MAOA: variants seen among roughly 807,000 people sequenced by gnomAD.
MAOA encodes monoamine oxidase A.
MAOA carries 6 observed loss-of-function variants against 42.0 expected under a neutral mutation model. The ratio of observed to expected loss-of-function variants is 0.14; its 90% CI spans 0.08 to 0.28. The LOEUF is 0.28. Among genes scored for constraint, MAOA ranks in the 10% least tolerant of loss-of-function variants. The pLI, the probability that MAOA is intolerant of heterozygous loss-of-function variation, is 1.00. For missense variants in MAOA, 262 were observed against 422.3 expected, an observed-to-expected ratio of 0.62 and a Z score of 3.33; for synonymous variants, 140 against 154.0, an observed-to-expected ratio of 0.91 and a Z score of 0.67.
At chrX:43,704,550 T>C (rs1192224973) in intron 3 of MAOA, among the ~76,000 whole-genome samples, 1 of 111,575 alleles carries the variant, frequency 9.0e-6, no homozygotes, top group East Asian at 2.8e-4. Context: ...TGGTAAAAGA[T>C]TGAAAGCTTT....
intron 6 of MAOA, 81 bp from the exon 7 acceptor site, chrX:43,731,160 G>C: frequency 9.9e-7 from 1 of 1,006,445 alleles, no homozygotes; most frequent in Non-Finnish European, 1.4e-6. Flanking sequence ...ACTTTCTGGA[G>C]GTTTTCTAAT....
intron 9 of MAOA, among the ~76,000 whole-genome samples, chrX:43,733,118 T>A (rs898717017): frequency 8.9e-6 from 1 of 112,174 alleles, no homozygotes; most frequent in African/African-American, 3.2e-5. Context: ...ACAGGCAGAA[T>A]GTCCACAGCC....
At chrX:43,663,528 C>T (rs1361526096) in intron 1 of MAOA, among the ~76,000 whole-genome samples, 2 of 111,404 alleles carry the variant, frequency 1.8e-5, no homozygotes. Context: ...TACCAAATGC[C>T]ACAAAATTCT....
chrX:43,742,920 T>C (rs1276210288), intron 12 of MAOA, among the ~76,000 whole-genome samples: 1 of 110,478 alleles, frequency 9.1e-6, no homozygotes, highest in Non-Finnish European at 1.9e-5. Flanking sequence ...TTCTTCTTAA[T>C]TGAGTCAGAT....
chrX:43,683,680 G>A, intron 2 of MAOA, 73 bp downstream of exon 2: 1 of 882,891 alleles, frequency 1.1e-6, no homozygotes, highest in Non-Finnish European at 1.7e-6. Flanking sequence ...GGAAATCACA[G>A]GGCTAGAGGA....
chrX:43,683,422 A>G, intron 1 of MAOA, 91 bp from the exon 2 acceptor site: 1 of 648,759 alleles, frequency 1.5e-6, no homozygotes, highest in East Asian at 3.3e-5. Flanking sequence ...ATTGTATATG[A>G]TACCCTGCAT....
chrX:43,672,810 G>T (rs1393162129), intron 1 of MAOA, among the ~76,000 whole-genome samples: 2 of 111,409 alleles, frequency 1.8e-5, no homozygotes, highest in African/African-American at 6.5e-5. Flanking sequence ...GATCATGGTG[G>T]ATAAGCTTTT....
intron 3 of MAOA, among the ~76,000 whole-genome samples, chrX:43,700,662 T>C (rs1267841096): frequency 8.9e-6 from 1 of 112,158 alleles, no homozygotes; most frequent in East Asian, 2.8e-4. Context: ...TCTATTATTT[T>C]GTTAAAATAC....
chrX:43,679,434 C>T (rs1164625369), intron 1 of MAOA, among the ~76,000 whole-genome samples: 1 of 109,222 alleles, frequency 9.2e-6, no homozygotes, highest in Admixed American at 1.0e-4. Context: ...TTTCAGAAGA[C>T]TTTGTTGTGG....
At chrX:43,687,673 A>G (rs1216608510) in intron 2 of MAOA, among the ~76,000 whole-genome samples, 3 of 112,333 alleles carry the variant, frequency 2.7e-5, no homozygotes, top group Non-Finnish European at 5.6e-5. Flanking sequence ...AAATTTGTAG[A>G]TCTCCTGGAT....
chrX:43,706,257 A>G (rs2033658453), intron 3 of MAOA, among the ~76,000 whole-genome samples: 1 of 112,300 alleles, frequency 8.9e-6, no homozygotes, highest in African/African-American at 3.2e-5. Context: ...TTAAATAGCT[A>G]TTTGTCCTCA....
intron 3 of MAOA, among the ~76,000 whole-genome samples, chrX:43,702,690 T>C (rs1340831745): frequency 1.8e-5 from 2 of 111,663 alleles, no homozygotes; most frequent in African/African-American, 6.5e-5. Flanking sequence ...TCATGTCAGG[T>C]TTTTCAAACA....
chrX:43,729,893 A>T (rs1353910753), intron 6 of MAOA, among the ~76,000 whole-genome samples: 1 of 111,427 alleles, frequency 9.0e-6, no homozygotes, highest in African/African-American at 3.3e-5. Flanking sequence ...ATGATTGAGG[A>T]ATCTGTTAGG....
At chrX:43,659,220 A>G (rs2033213474) in intron 1 of MAOA, among the ~76,000 whole-genome samples, 2 of 112,017 alleles carry the variant, frequency 1.8e-5, no homozygotes, top group African/African-American at 6.5e-5. Context: ...AAAACATAAA[A>G]TAGACTATGT....
intron 6 of MAOA, among the ~76,000 whole-genome samples, chrX:43,729,921 C>T (rs905078956): frequency 1.8e-5 from 2 of 111,153 alleles, no homozygotes; most frequent in Non-Finnish European, 3.8e-5. Flanking sequence ...TGGCTGGGCG[C>T]GGTGGCTCAC....
chrX:43,705,761 TA>T (rs944427203), intron 3 of MAOA, among the ~76,000 whole-genome samples: 1 of 111,587 alleles, frequency 9.0e-6, no homozygotes, highest in African/African-American at 3.3e-5. Context: ...AACTCAATAA[TA>T]AAAAGACAAA....
At chrX:43,697,227 T>G (rs2033587424) in intron 3 of MAOA, among the ~76,000 whole-genome samples, 1 of 112,458 alleles carries the variant, frequency 8.9e-6, no homozygotes, top group Non-Finnish European at 1.9e-5. Flanking sequence ...CAGATTCTAC[T>G]GTCAGGGACT....
At chrX:43,695,017 T>C (rs946156413) in intron 3 of MAOA, among the ~76,000 whole-genome samples, 1 of 111,921 alleles carries the variant, frequency 8.9e-6, no homozygotes, top group Non-Finnish European at 1.9e-5. Context: ...GGCATTATCA[T>C]CCCCATTTTA....
Position 43,732,694 on chromosome X carries a change from T to C in MAOA, c.956-5T>C. 1 of 1,186,606 alleles carries C rather than the reference T, an allele frequency of 8.4e-7. No homozygotes were observed. The highest frequency in any genetic ancestry group is 1.1e-6 in the Non-Finnish European group (1 of 872,550). ...GATCTCCCATTGATTTTTCTCCTGG[T>C]TAAGATTACTGTGGCTGCATGATCA... On this transcript the variant is annotated splice_region_variant and splice_polypyrimidine_tract_variant and intron_variant, in intron 8 of 14. Coordinates refer to ENST00000338702, the MANE Select transcript of MAOA (RefSeq NM_000240.4).
Sources: allele counts gnomAD v4.1 joint callset (sites outside exome capture counted in the v4.1 genomes callset), GRCh38; gene constraint gnomAD v4.1.1; transcripts MANE v1.5; gene names NCBI Gene and HGNC (gene_info 2026-07-23, HGNC 2026-07-21).